Variants in TUNAR observed in about 807,000 individuals in gnomAD.
The protein encoded by TUNAR is protein TUNAR.
intron 2 of TUNAR, among the ~76,000 whole-genome samples, chr14:95,884,409 T>C (rs1595114879): frequency 1.3e-5 from 2 of 152,074 alleles, no homozygotes; most frequent in African/African-American, 4.8e-5. Flanking sequence ...CAAGGCAGGG[T>C]GCCAGCCCTG....
intron 2 of TUNAR, among the ~76,000 whole-genome samples, chr14:95,893,252 C>G (rs1889209959): frequency 6.6e-6 from 1 of 152,014 alleles, no homozygotes; most frequent in African/African-American, 2.4e-5. Context: ...AGGAAGCTTC[C>G]TTTTTGCAGC....
At chr14:95,903,463 C>A (rs148894688) in intron 2 of TUNAR, among the ~76,000 whole-genome samples, 17 of 152,286 alleles carry the variant, frequency 1.1e-4, no homozygotes, top group African/African-American at 2.6e-4. Flanking sequence ...AGATCACCAG[C>A]GACAAACATT....
chr14:95,887,350 A>G (rs1889094751), intron 2 of TUNAR, among the ~76,000 whole-genome samples: 2 of 152,164 alleles, frequency 1.3e-5, no homozygotes, highest in African/African-American at 4.8e-5. Flanking sequence ...CAGTGTGCAA[A>G]GGGACTTGTG....
chr14:95,892,317 A>T (rs1889192694), intron 2 of TUNAR, among the ~76,000 whole-genome samples: 1 of 152,236 alleles, frequency 6.6e-6, no homozygotes, highest in African/African-American at 2.4e-5. Flanking sequence ...AGGGACATGA[A>T]GTCAGCTGCT....
intron 2 of TUNAR, among the ~76,000 whole-genome samples, chr14:95,900,930 G>A (rs540981213): frequency 8.0e-4 from 122 of 152,362 alleles, no homozygotes; most frequent in Middle Eastern, 3.4e-3. Context: ...CAGGACTGAA[G>A]CCATGTGGTT....
At chr14:95,901,223 CTTTGGGAGGTGA>C (rs1314939479) in intron 2 of TUNAR, among the ~76,000 whole-genome samples, 6 of 152,320 alleles carry the variant, frequency 3.9e-5, no homozygotes, top group Admixed American at 1.3e-4. Flanking sequence ...TTATGGACTG[CTTTGGGAGGTGA>C]TTCATGCAGC....
At chr14:95,905,761 T>C (rs1004295333) in intron 2 of TUNAR, among the ~76,000 whole-genome samples, 2 of 152,234 alleles carry the variant, frequency 1.3e-5, no homozygotes, top group African/African-American at 4.8e-5. Flanking sequence ...ACAATAATTA[T>C]TACTGTGGTG....
intron 2 of TUNAR, among the ~76,000 whole-genome samples, chr14:95,915,629 G>C (rs749299636): frequency 6.6e-6 from 1 of 152,246 alleles, no homozygotes; most frequent in Non-Finnish European, 1.5e-5. Context: ...TTCTAGCCCT[G>C]CCCGGCTGGG....
chr14:95,918,862 T>C (rs1889647332), intron 2 of TUNAR, among the ~76,000 whole-genome samples: 1 of 152,138 alleles, frequency 6.6e-6, no homozygotes, highest in African/African-American at 2.4e-5. Context: ...TGGCCATCTA[T>C]TCCCTGGCCT....
At chr14:95,882,951 T>C (rs1019109865) in intron 2 of TUNAR, among the ~76,000 whole-genome samples, 6 of 152,248 alleles carry the variant, frequency 3.9e-5, no homozygotes, top group Admixed American at 2.0e-4. Context: ...AAATGATTTA[T>C]GAATGGATAC....
chr14:95,899,903 A>G (rs778802944), intron 2 of TUNAR, among the ~76,000 whole-genome samples: 41 of 152,300 alleles, frequency 2.7e-4, no homozygotes, highest in East Asian at 5.8e-4. Flanking sequence ...TGTGGAAGAA[A>G]CCATTAAACC....
At position 95,876,825 on chromosome 14, in the gene TUNAR, T is replaced by TCTCTCTCTCTTTCCCTCCGCGCTGC. The variant is rs1491223959; in HGVS notation, c.-306-29_-306-5dup. The TCTCTCTCTCTTTCCCTCCGCGCTGC allele has an allele frequency of 6.6e-6, 1 of 152,090 alleles. No homozygotes were observed. The highest frequency in any genetic ancestry group is 2.4e-5 in the African/African-American group (1 of 41,406). 9.4% of individuals were successfully genotyped at this position (152,090 alleles called of 1,614,324 possible). ...TGCAGCTCTGCGCGTTCTCATGCTGTCTCTCTCTCTTTCCCTCCGCGCTGC... is the reference window on the plus strand; with the variant it reads ...TGCAGCTCTGCGCGTTCTCATGCTGTCTCTCTCTCTTTCCCTCCGCGCTGCCTCTCTCTCTTTCCCTCCGCGCTGC... On this transcript the variant is annotated intron_variant, in intron 1 of 2. Coordinates refer to ENST00000678517, the Ensembl canonical transcript of TUNAR.
intron 2 of TUNAR, among the ~76,000 whole-genome samples, chr14:95,889,418 G>C (rs1407861238): frequency 1.3e-5 from 2 of 152,014 alleles, no homozygotes; most frequent in Admixed American, 6.5e-5. Flanking sequence ...ATGTGAAGGA[G>C]AAGTTGGCTT....
chr14:95,919,278 C>T (rs550132867), intron 2 of TUNAR, among the ~76,000 whole-genome samples: 2 of 152,332 alleles, frequency 1.3e-5, no homozygotes, highest in South Asian at 4.2e-4. Flanking sequence ...ACCCTGTGCC[C>T]GGCAGCTCCT....
At chr14:95,888,419 T>C (rs1889112573) in intron 2 of TUNAR, among the ~76,000 whole-genome samples, 1 of 152,144 alleles carries the variant, frequency 6.6e-6, no homozygotes, top group South Asian at 2.1e-4. Flanking sequence ...ACATGAATAA[T>C]CATTTATTTT....
chr14:95,906,177 C>A (rs1486056421), intron 2 of TUNAR, among the ~76,000 whole-genome samples: 1 of 152,150 alleles, frequency 6.6e-6, no homozygotes, highest in African/African-American at 2.4e-5. Context: ...TGGAGAATGG[C>A]ATAGAGAAAC....
At chr14:95,896,726 A>C (rs542306844) in intron 2 of TUNAR, among the ~76,000 whole-genome samples, 4 of 152,372 alleles carry the variant, frequency 2.6e-5, no homozygotes, top group African/African-American at 9.6e-5. Context: ...AAAAGGTGGA[A>C]ACATTTATTT....
chr14:95,906,119 T>G (rs1346191688), intron 2 of TUNAR, among the ~76,000 whole-genome samples: 1 of 152,176 alleles, frequency 6.6e-6, no homozygotes, highest in Non-Finnish European at 1.5e-5. Flanking sequence ...GTTCCCTTCC[T>G]CAACTCTGGA....
chr14:95,888,254 C>T (rs1413488556), intron 2 of TUNAR, among the ~76,000 whole-genome samples: 1 of 152,110 alleles, frequency 6.6e-6, no homozygotes, highest in African/African-American at 2.4e-5. Context: ...GGGTAGGGAC[C>T]CTGTGCAATA....
Sources: gnomAD v4.1 joint callset for allele counts (sites outside exome capture counted in the v4.1 genomes callset) on GRCh38, gnomAD v4.1.1 for gene constraint, MANE v1.5 for transcripts, NCBI Gene and HGNC (gene_info 2026-07-23, HGNC 2026-07-21) for gene names.